NR3C2: variants seen among roughly 807,000 people sequenced by gnomAD.
The protein encoded by NR3C2 is nuclear receptor subfamily 3 group C member 2.
NR3C2 carries 15 observed loss-of-function variants against 86.4 expected under a neutral mutation model. That is an observed-to-expected ratio of 0.17 (90% CI 0.12 to 0.27). The LOEUF (loss-of-function observed/expected upper bound fraction) is 0.27, where lower values mean the gene tolerates loss of function less well. Among genes scored for constraint, NR3C2 ranks in the 10% least tolerant of loss-of-function variants. The pLI, the probability that NR3C2 is intolerant of heterozygous loss-of-function variation, is 1.00. For missense variants in NR3C2, 960 were observed against 1,195.6 expected (o/e 0.80, Z 2.91); for synonymous variants, 458 against 450.5 (o/e 1.02, Z -0.21).
At chr4:148,242,447 T>C (rs1202799365) in intron 3 of NR3C2, among the ~76,000 whole-genome samples, 1 of 152,204 alleles carries the variant, frequency 6.6e-6, no homozygotes, top group Non-Finnish European at 1.5e-5. Flanking sequence ...TATGCATACA[T>C]ATAAAGCATC....
chr4:148,441,428 T>C (rs1750332702), intron 1 of NR3C2, among the ~76,000 whole-genome samples: 1 of 152,212 alleles, frequency 6.6e-6, no homozygotes, highest in African/African-American at 2.4e-5. Flanking sequence ...CCTTTAAAAT[T>C]CGGCGGTTTC....
intron 6 of NR3C2, among the ~76,000 whole-genome samples, chr4:148,129,710 C>G (rs1047585321): frequency 1.3e-5 from 2 of 152,132 alleles, no homozygotes; most frequent in African/African-American, 4.8e-5. Context: ...ATTCTTCCAC[C>G]TCAGCCTCTC....
chr4:148,127,769 C>T (rs534130682), intron 6 of NR3C2, among the ~76,000 whole-genome samples: 3 of 152,252 alleles, frequency 2.0e-5, no homozygotes, highest in Admixed American at 6.5e-5. Flanking sequence ...AATAATAGTT[C>T]TAAAATATTT....
At chr4:148,411,548 T>C (rs1165433679) in intron 2 of NR3C2, among the ~76,000 whole-genome samples, 1 of 152,218 alleles carries the variant, frequency 6.6e-6, no homozygotes, top group East Asian at 1.9e-4. Context: ...AATGGACATA[T>C]TCTATGTGGT....
intron 4 of NR3C2, among the ~76,000 whole-genome samples, chr4:148,177,998 G>C (rs374931688): frequency 2.0e-5 from 3 of 152,292 alleles, no homozygotes; most frequent in South Asian, 2.1e-4. Context: ...GTTTTGGTTC[G>C]TGTGTTTTCA....
intron 4 of NR3C2, among the ~76,000 whole-genome samples, chr4:148,155,558 G>C (rs1439283446): frequency 6.6e-6 from 1 of 152,092 alleles, no homozygotes; most frequent in African/African-American, 2.4e-5. Flanking sequence ...ACTTACAAGG[G>C]ATGTGAAGGA....
chr4:148,078,869 G>T lies in NR3C2; in HGVS notation c.*2475C>A, dbSNP rs1289112505. The T allele has an allele frequency of 6.6e-6, 1 of 152,588 alleles. No homozygotes were observed. Among genetic ancestry groups the T allele is most frequent in the Admixed American group, 6.5e-5 (1 of 15,276 alleles). The allele number at this position is 152,588 out of a possible 1,614,324, so 9.5% of individuals were successfully genotyped here. ...TTGCTTCATTTTAAACTAATTTAGT[G>T]TTTCTTTAAATTATATGAACTTTTG... On this transcript the variant is annotated 3_prime_UTR_variant, in exon 9 of 9. Coordinates refer to ENST00000358102, the MANE Select transcript of NR3C2 (RefSeq NM_000901.5).
intron 2 of NR3C2, among the ~76,000 whole-genome samples, chr4:148,262,876 A>T (rs945235950): frequency 2.6e-5 from 4 of 152,068 alleles, no homozygotes; most frequent in Admixed American, 6.6e-5. Flanking sequence ...AATCTGTTAA[A>T]TTTTATTCGT....
At chr4:148,444,863 G>T (rs994041153), upstream of NR3C2, 131 of 984,964 alleles carry the variant, frequency 1.3e-4, no homozygotes, top group Middle Eastern at 5.2e-4. Context: ...TGGGAGCCGG[G>T]AAGTCCGGCA....
chr4:148,271,487 C>T (rs1414374017), intron 2 of NR3C2, among the ~76,000 whole-genome samples: 1 of 152,054 alleles, frequency 6.6e-6, no homozygotes, highest in African/African-American at 2.4e-5. Flanking sequence ...AGATTTTCGG[C>T]ACACACTGAA....
At chr4:148,083,197 G>A (rs916024021) in intron 8 of NR3C2, among the ~76,000 whole-genome samples, 15 of 152,188 alleles carry the variant, frequency 9.9e-5, no homozygotes, top group African/African-American at 3.6e-4. Context: ...AGAGAGCAGT[G>A]GTTCTCCCAA....
chr4:148,155,748 T>C (rs1015113327), intron 4 of NR3C2, among the ~76,000 whole-genome samples: 3 of 150,726 alleles, frequency 2.0e-5, no homozygotes, highest in Non-Finnish European at 4.4e-5. Flanking sequence ...CTTCACGGAA[T>C]TGGAAAAAAC....
Position 148,120,140 on chromosome 4 carries a change from G to T in NR3C2, c.2641+18C>A, listed in dbSNP as rs759940888. On this transcript the variant is annotated intron_variant, in intron 7 of 8. Transcript: ENST00000358102. Reference sequence around the variant, plus strand: ...ATCTGGTAATATAGAAACAGTGCCAGAATGGGCATCAATTTACTTGTGCTT... The same window carrying T: ...ATCTGGTAATATAGAAACAGTGCCATAATGGGCATCAATTTACTTGTGCTT... 2 of 1,613,808 alleles carry T rather than the reference G, an allele frequency of 1.2e-6. No individual in the cohort carries two copies. The highest frequency in any genetic ancestry group is 2.7e-5 in the African/African-American group (2 of 74,924).
chr4:148,157,322 A>T (rs544107623), intron 4 of NR3C2, among the ~76,000 whole-genome samples: 1 of 152,188 alleles, frequency 6.6e-6, no homozygotes, highest in Admixed American at 6.5e-5. Context: ...AACCCCAAAA[A>T]TGGCTAAAAT....
intron 3 of NR3C2, among the ~76,000 whole-genome samples, chr4:148,222,059 A>C (rs1359306228): frequency 6.6e-6 from 1 of 152,136 alleles, no homozygotes; most frequent in African/African-American, 2.4e-5. Context: ...TATCTGGTAC[A>C]TAATAAGCAA....
chr4:148,405,259 CT>C (rs1431930676), intron 2 of NR3C2, among the ~76,000 whole-genome samples: 1 of 152,194 alleles, frequency 6.6e-6, no homozygotes, highest in Admixed American at 6.5e-5. Context: ...AGCCATAACC[CT>C]TTTCTCTCCA....
intron 3 of NR3C2, among the ~76,000 whole-genome samples, chr4:148,200,037 T>G (rs1736641413): frequency 6.6e-6 from 1 of 152,248 alleles, no homozygotes; most frequent in South Asian, 2.1e-4. Flanking sequence ...CAATGAAACA[T>G]GGAAAGGACA....
At chr4:148,190,338 G>A (rs1428443499) in intron 4 of NR3C2, among the ~76,000 whole-genome samples, 1 of 152,152 alleles carries the variant, frequency 6.6e-6, no homozygotes, top group Non-Finnish European at 1.5e-5. Flanking sequence ...TATTTGTATG[G>A]TTTTGAAGGT....
At chr4:148,351,232 A>ATC (rs1476622025) in intron 2 of NR3C2, among the ~76,000 whole-genome samples, 2 of 151,936 alleles carry the variant, frequency 1.3e-5, no homozygotes, top group African/African-American at 2.4e-5. Context: ...TGCAACCTCC[A>ATC]TCTCCCAGGT....
Sources: allele counts gnomAD v4.1 joint callset (sites outside exome capture counted in the v4.1 genomes callset), GRCh38; gene constraint gnomAD v4.1.1; transcripts MANE v1.5; gene names NCBI Gene and HGNC (gene_info 2026-07-23, HGNC 2026-07-21).